SLC44A5: variants seen among roughly 807,000 people sequenced by gnomAD.
The protein encoded by SLC44A5 is solute carrier family 44 member 5.
A neutral mutation model predicts 101.8 loss-of-function variants in SLC44A5; 57 were observed. The observed-to-expected ratio is 0.56, with a 90% CI of 0.45 to 0.70. SLC44A5 has a LOEUF of 0.70. Ranked by LOEUF, SLC44A5 falls within the 30% of genes least tolerant of loss-of-function variation. SLC44A5 has a pLI of 0.00. For synonymous variants in SLC44A5, 281 were observed against 290.9 expected (o/e 0.97, Z 0.35); for missense variants, 737 against 853.1 (o/e 0.86, Z 1.70).
chr1:75,712,770 G>A, the SLC44A5 span, among the ~76,000 whole-genome samples: 2 of 146,574 alleles, frequency 1.4e-5, no homozygotes, highest in African/African-American at 5.0e-5. Flanking sequence ...AAAAAAATTA[G>A]TTTTATAATT....
chr1:75,222,357 T>A lies in SLC44A5; in HGVS notation c.1085+4A>T. ...TAGCTGAGTTTCTACATTAAGGGCCTTACTTGCTTCCTTCCTTCAGCAGGA... is the reference window on the plus strand; with the variant it reads ...TAGCTGAGTTTCTACATTAAGGGCCATACTTGCTTCCTTCCTTCAGCAGGA... On this transcript the variant is annotated splice_donor_region_variant and intron_variant, in intron 14 of 23. Transcript: ENST00000370859. The A allele has an allele frequency of 1.2e-6, 2 of 1,608,602 alleles. No homozygotes were observed. Among genetic ancestry groups the A allele is most frequent in the Non-Finnish European group, 1.7e-6 (2 of 1,175,130 alleles).
intron 6 of SLC44A5, among the ~76,000 whole-genome samples, chr1:75,269,892 G>A (rs764504464): frequency 6.6e-6 from 1 of 152,126 alleles, no homozygotes; most frequent in Non-Finnish European, 1.5e-5. Flanking sequence ...TTGTGGGAGG[G>A]AACCCGTGGG....
At chr1:75,449,694 A>G (rs1408411293) in intron 2 of SLC44A5, among the ~76,000 whole-genome samples, 1 of 152,176 alleles carries the variant, frequency 6.6e-6, no homozygotes, top group Non-Finnish European at 1.5e-5. Context: ...AGAGGATAAG[A>G]GGCTTTTAGT....
At chr1:75,553,322 T>C (rs929656982) in intron 1 of SLC44A5, among the ~76,000 whole-genome samples, 2 of 152,184 alleles carry the variant, frequency 1.3e-5, no homozygotes, top group Non-Finnish European at 2.9e-5. Flanking sequence ...CACATATTAC[T>C]AAATTTTTTC....
At chr1:75,582,199 G>A in intron 1 of SLC44A5, 3 of 950,296 alleles carry the variant, frequency 3.2e-6, no homozygotes, top group Non-Finnish European at 5.0e-6. Flanking sequence ...CTTAAGGGGT[G>A]GACCCCAAGT....
chr1:75,537,029 AAAAAATATAT>A (rs1671077741), intron 2 of SLC44A5, among the ~76,000 whole-genome samples: 1 of 25,246 alleles, frequency 4.0e-5, no homozygotes, highest in Non-Finnish European at 1.9e-4. Context: ...AAAAAAAAAA[AAAAAATATAT>A]ATCTATGCCA....
the SLC44A5 span, among the ~76,000 whole-genome samples, chr1:75,707,896 A>T: frequency 6.6e-6 from 1 of 152,296 alleles, no homozygotes; most frequent in East Asian, 1.9e-4. Context: ...ATTTTCATCT[A>T]TTAACTTGTC....
chr1:75,638,824 T>C, the SLC44A5 span, among the ~76,000 whole-genome samples: 667 of 152,234 alleles, frequency 4.4e-3, 7 homozygotes, highest in East Asian at 0.043. Flanking sequence ...ACACTTAGAT[T>C]CATTCCAATA....
chr1:75,247,847 A>T (rs78591900), intron 7 of SLC44A5, among the ~76,000 whole-genome samples: 77,942 of 151,326 alleles, frequency 0.52, 21,940 homozygotes, highest in East Asian at 0.93. Flanking sequence ...AAGTAGGGAT[A>T]AAAGCTTGGA....
At chr1:75,256,894 G>C in intron 6 of SLC44A5, among the ~76,000 whole-genome samples, 1 of 152,152 alleles carries the variant, frequency 6.6e-6, no homozygotes, top group East Asian at 1.9e-4. Context: ...GGATCAGTAA[G>C]ATAATGTATA....
chr1:75,579,174 G>T (rs1570661330), intron 1 of SLC44A5, among the ~76,000 whole-genome samples: 1 of 152,300 alleles, frequency 6.6e-6, no homozygotes, highest in East Asian at 1.9e-4. Flanking sequence ...ACAGGAAAAG[G>T]AGTTAGTTAT....
chr1:75,579,633 A>T (rs1673568300), intron 1 of SLC44A5, among the ~76,000 whole-genome samples: 1 of 152,074 alleles, frequency 6.6e-6, no homozygotes. Context: ...CTTTCCTACT[A>T]ATTACACCTC....
intron 2 of SLC44A5, among the ~76,000 whole-genome samples, chr1:75,509,944 A>G (rs1470478850): frequency 1.3e-5 from 2 of 152,202 alleles, no homozygotes; most frequent in African/African-American, 4.8e-5. Context: ...ACAGTTCCAC[A>G]TGACTGGGGA....
intron 2 of SLC44A5, among the ~76,000 whole-genome samples, chr1:75,503,153 ACT>A (rs909627186): frequency 6.6e-6 from 1 of 151,916 alleles, no homozygotes; most frequent in Non-Finnish European, 1.5e-5. Flanking sequence ...CTTTACCTCA[ACT>A]CTTTCTCAAA....
chr1:75,245,723 G>A (rs184481512), intron 7 of SLC44A5, among the ~76,000 whole-genome samples: 40 of 152,166 alleles, frequency 2.6e-4, no homozygotes, highest in Admixed American at 1.7e-3. Context: ...ATAGTAAAAC[G>A]TAGTTTGTTA....
chr1:75,588,215 G>A (rs914212049), intron 1 of SLC44A5, among the ~76,000 whole-genome samples: 1 of 147,320 alleles, frequency 6.8e-6, no homozygotes, highest in African/African-American at 2.5e-5. Flanking sequence ...AAGGGATGAA[G>A]GAAGGAAGGA....
chr1:75,521,559 C>G (rs1482349290), intron 2 of SLC44A5: 1 of 152,192 alleles, frequency 6.6e-6, no homozygotes, highest in East Asian at 1.9e-4. Flanking sequence ...AATTTAAAAA[C>G]AGGTTAAGAT....
chr1:75,615,367 G>A (rs548728755), upstream of SLC44A5, among the ~76,000 whole-genome samples: 4 of 151,478 alleles, frequency 2.6e-5, no homozygotes, highest in African/African-American at 9.7e-5. Flanking sequence ...AGGGAGGGGG[G>A]ATTGGAAGAA....
intron 3 of SLC44A5, among the ~76,000 whole-genome samples, chr1:75,391,238 T>C (rs1661765919): frequency 6.6e-6 from 1 of 152,086 alleles, no homozygotes; most frequent in Non-Finnish European, 1.5e-5. Flanking sequence ...TCCTTGCACA[T>C]AGATTGGAAG....
Sources: allele counts gnomAD v4.1 joint callset (sites outside exome capture counted in the v4.1 genomes callset), GRCh38; gene constraint gnomAD v4.1.1; transcripts MANE v1.5; gene names NCBI Gene and HGNC (gene_info 2026-07-23, HGNC 2026-07-21).